SLCO4A1: variants seen among roughly 807,000 people sequenced by gnomAD.
SLCO4A1 encodes the protein colon organic anion transporter.
Under a neutral mutation model 64.6 loss-of-function variants are expected in SLCO4A1, and 51 were observed. The observed-to-expected ratio is 0.79, with a 90% CI of 0.63 to 1.00. The LOEUF (loss-of-function observed/expected upper bound fraction) is 1.00, where lower values mean the gene tolerates loss of function less well. Among genes scored for constraint, SLCO4A1 ranks in the 50% least tolerant of loss-of-function variants. The pLI is 0.00. For synonymous variants in SLCO4A1, 471 were observed against 444.9 expected (o/e 1.06, Z -0.74); for missense variants, 919 against 980.5 (o/e 0.94, Z 0.84).
At position 62,668,973 on chromosome 20, in the gene SLCO4A1, G is replaced by A; in HGVS notation, c.1920G>A (p.Lys640=). The change falls in exon 11 of 12, where the codon AAG becomes AAA. Residue 640 remains lysine, a synonymous_variant. Coordinates refer to ENST00000217159, the MANE Select transcript of SLCO4A1 (RefSeq NM_016354.4). ...GPIAFGWVID[K]ACLLWQDQCG... is the part of the protein sequence containing the mutation. ...TCGCCTTCGGCTGGGTGATCGACAA[G>A]GCCTGTCTGCTGTGGCAGGACCAGT... 1 of 1,609,808 alleles carries A rather than the reference G, an allele frequency of 6.2e-7. No individual in the cohort carries two copies. The highest frequency in any genetic ancestry group is 8.5e-7 in the Non-Finnish European group (1 of 1,180,002).
intron 7 of SLCO4A1, 94 bp downstream of exon 7, chr20:62,666,669 T>C (rs1272711529): frequency 1.7e-6 from 2 of 1,161,166 alleles, no homozygotes; most frequent in Non-Finnish European, 2.5e-6. Context: ...TTGGGAGAGG[T>C]GGTTTTGAAA....
intron 1 of SLCO4A1, among the ~76,000 whole-genome samples, chr20:62,648,678 T>C (rs1363469145): frequency 6.6e-6 from 1 of 152,206 alleles, no homozygotes; most frequent in African/African-American, 2.4e-5. Flanking sequence ...GCTCAGCTGG[T>C]TCAGGCCTCC....
intron 1 of SLCO4A1, among the ~76,000 whole-genome samples, chr20:62,647,502 C>A (rs1318716716): frequency 6.6e-6 from 1 of 152,258 alleles, no homozygotes; most frequent in Non-Finnish European, 1.5e-5. Flanking sequence ...GGGACATCCC[C>A]TAATGTGGAG....
intron 2 of SLCO4A1, among the ~76,000 whole-genome samples, chr20:62,678,269 ATAAAAT>A (rs570363521): frequency 3.3e-4 from 51 of 152,336 alleles, no homozygotes; most frequent in Non-Finnish European, 6.3e-4. Context: ...CAAAATTTAG[ATAAAAT>A]TAAAGAAGTC....
intron 2 of SLCO4A1, among the ~76,000 whole-genome samples, chr20:62,680,133 T>C (rs1156766451): frequency 3.9e-5 from 6 of 152,174 alleles, no homozygotes; most frequent in African/African-American, 1.2e-4. Context: ...GAGTTCAACG[T>C]TCGTAGAAAC....
chr20:62,686,855 G>A (rs1450614369), downstream of SLCO4A1, among the ~76,000 whole-genome samples: 1 of 151,998 alleles, frequency 6.6e-6, no homozygotes, highest in Non-Finnish European at 1.5e-5. Context: ...AGGCACGATG[G>A]GTAGGGCACC....
intron 3 of SLCO4A1, 112 bp downstream of exon 3, chr20:62,658,879 T>C (rs753148024): frequency 9.7e-5 from 88 of 907,218 alleles, no homozygotes; most frequent in Non-Finnish European, 1.4e-4. Flanking sequence ...GCGCAGGTGC[T>C]GGGCACCCCC....
intron 5 of SLCO4A1, among the ~76,000 whole-genome samples, chr20:62,662,186 G>T (rs1248986984): frequency 6.6e-6 from 1 of 152,190 alleles, no homozygotes; most frequent in East Asian, 1.9e-4. Flanking sequence ...CCACGGCAGA[G>T]AGGAGCAGGG....
Position 62,668,457 on chromosome 20 carries a change from G to T in SLCO4A1, c.1812-20G>T. ...CAACCCCACTTCTGTGGGTGCTGACGCTGTGGTTTTCTATTGCAGATGTGT... is the reference window on the plus strand; with the variant it reads ...CAACCCCACTTCTGTGGGTGCTGACTCTGTGGTTTTCTATTGCAGATGTGT... On this transcript the variant is annotated intron_variant, in intron 9 of 11. Transcript: ENST00000217159. 4 of 1,613,416 alleles carry T rather than the reference G, an allele frequency of 2.5e-6. No homozygotes were observed. Among genetic ancestry groups the T allele is most frequent in the Non-Finnish European group, 3.4e-6 (4 of 1,179,690 alleles).
chr20:62,673,930 G>A (rs1987462701), downstream of SLCO4A1, among the ~76,000 whole-genome samples: 1 of 152,178 alleles, frequency 6.6e-6, no homozygotes, highest in Non-Finnish European at 1.5e-5. Context: ...CCAACACACT[G>A]GGCAACAGCA....
At chr20:62,660,872 G>A (rs576678990) in intron 4 of SLCO4A1, among the ~76,000 whole-genome samples, 192 bp from the exon 5 acceptor site, 7 of 151,934 alleles carry the variant, frequency 4.6e-5, no homozygotes, top group African/African-American at 1.7e-4. Flanking sequence ...CTCCAAACCC[G>A]GCTTGTGCTG....
At chr20:62,643,291 G>T in intron 1 of SLCO4A1, 1 of 317,324 alleles carries the variant, frequency 3.2e-6, no homozygotes, top group South Asian at 2.3e-5. Flanking sequence ...TGACCAGGGA[G>T]GATGGAAAGG....
downstream of SLCO4A1, among the ~76,000 whole-genome samples, chr20:62,673,751 G>A (rs545449480): frequency 4.7e-4 from 48 of 103,216 alleles, 7 homozygotes; most frequent in African/African-American, 1.3e-3. Flanking sequence ...CAAGGGCCAC[G>A]TGAGCCAACC....
intron 1 of SLCO4A1, chr20:62,648,885 T>G (rs1425802374): frequency 1.3e-5 from 2 of 152,236 alleles, no homozygotes; most frequent in Non-Finnish European, 2.9e-5. Context: ...GGGCTCCTCG[T>G]GGGTGCGACA....
chr20:62,674,681 G>A (rs1233404173), downstream of SLCO4A1, among the ~76,000 whole-genome samples: 3 of 152,314 alleles, frequency 2.0e-5, no homozygotes, highest in Non-Finnish European at 2.9e-5. Context: ...CCCCCAGTTC[G>A]TAGGTCGAAG....
At chr20:62,679,443 C>G (rs938676927) in intron 2 of SLCO4A1, among the ~76,000 whole-genome samples, 8 of 152,026 alleles carry the variant, frequency 5.3e-5, no homozygotes, top group Non-Finnish European at 1.2e-4. Flanking sequence ...CTGACTGCAG[C>G]CTTGACCTCC....
intron 5 of SLCO4A1, 137 bp from the exon 6 acceptor site, chr20:62,664,797 C>G: frequency 9.6e-7 from 1 of 1,041,136 alleles, no homozygotes; most frequent in Non-Finnish European, 1.4e-6. Context: ...CTGGGTCTGG[C>G]CCACTCTGAC....
chr20:62,660,552 G>A lies in SLCO4A1; in HGVS notation c.1009+19G>A, dbSNP rs1420155669. ...CTGCCAGGTGGGTTTCCCTTCCCCA[G>A]CCCAGCCTTCACATTGGGAGACTGT... On this transcript the variant is annotated intron_variant, in intron 4 of 11. Coordinates refer to ENST00000217159, the MANE Select transcript of SLCO4A1 (RefSeq NM_016354.4). 1 of 1,603,122 alleles carries A rather than the reference G, an allele frequency of 6.2e-7. No individual in the cohort carries two copies. The highest frequency in any genetic ancestry group is 1.7e-5 in the Admixed American group (1 of 60,014).
chr20:62,660,649 C>A, intron 4 of SLCO4A1, 116 bp downstream of exon 4: 2 of 1,242,140 alleles, frequency 1.6e-6, no homozygotes, highest in Non-Finnish European at 1.2e-6. Flanking sequence ...AAGTCTGCGG[C>A]ACACCCTCAT....
Sources: allele counts gnomAD v4.1 joint callset (sites outside exome capture counted in the v4.1 genomes callset), GRCh38; gene constraint gnomAD v4.1.1; transcripts MANE v1.5; gene names NCBI Gene and HGNC (gene_info 2026-07-23, HGNC 2026-07-21).